The following TAFA4 variants were observed in gnomAD, a reference collection of about 807,000 sequenced individuals.
TAFA4 encodes TAFA chemokine like family member 4.
Under a neutral mutation model 21.1 loss-of-function variants are expected in TAFA4, and 20 were observed. The observed-to-expected ratio is 0.95, with a 90% CI of 0.67 to 1.38. The LOEUF is 1.38. Ranked by LOEUF, TAFA4 falls within the 40% of genes most tolerant of loss-of-function variation. The pLI, the probability that TAFA4 is intolerant of heterozygous loss-of-function variation, is 0.00. For synonymous variants in TAFA4, 71 were observed against 67.4 expected, an observed-to-expected ratio of 1.05 and a Z score of -0.26; for missense variants, 211 against 180.9, an observed-to-expected ratio of 1.17 and a Z score of -0.95.
intron 3 of TAFA4, among the ~76,000 whole-genome samples, chr3:68,778,724 C>T (rs1456163064): frequency 6.6e-6 from 1 of 152,198 alleles, no homozygotes. Flanking sequence ...GAGGCTTCCC[C>T]AGCCACGTGG....
intron 3 of TAFA4, among the ~76,000 whole-genome samples, chr3:68,835,824 C>T (rs1294869790): frequency 6.6e-6 from 1 of 152,192 alleles, no homozygotes; most frequent in East Asian, 1.9e-4. Context: ...GCATCAAATG[C>T]CAACTTCAGC....
intron 3 of TAFA4, among the ~76,000 whole-genome samples, chr3:68,808,333 G>A (rs934142956): frequency 6.6e-6 from 1 of 152,092 alleles, no homozygotes; most frequent in African/African-American, 2.4e-5. Flanking sequence ...TTTGTCTCCT[G>A]TCTCATGACC....
intron 4 of TAFA4, among the ~76,000 whole-genome samples, chr3:68,748,271 C>T (rs1475788745): frequency 2.0e-5 from 3 of 152,178 alleles, no homozygotes; most frequent in Non-Finnish European, 4.4e-5. Flanking sequence ...TTGGCAAAAT[C>T]CTCTCTGTCA....
intron 3 of TAFA4, among the ~76,000 whole-genome samples, chr3:68,753,536 A>G (rs12054044): frequency 0.064 from 9,661 of 152,006 alleles, 709 homozygotes; most frequent in East Asian, 0.26. Context: ...GGGTTTCACA[A>G]TGTTGGCCAA....
intron 3 of TAFA4, among the ~76,000 whole-genome samples, chr3:68,795,479 G>C (rs377473991): frequency 2.6e-5 from 4 of 152,130 alleles, no homozygotes; most frequent in South Asian, 2.1e-4. Context: ...ATTTAGTCAC[G>C]AGTTATTGAC....
At chr3:68,852,766 A>T (rs188961258) in intron 3 of TAFA4, among the ~76,000 whole-genome samples, 5 of 152,318 alleles carry the variant, frequency 3.3e-5, no homozygotes, top group Non-Finnish European at 5.9e-5. Context: ...AAACATTATT[A>T]TGTCACCCTT....
At chr3:68,828,110 C>T (rs62254120) in intron 3 of TAFA4, among the ~76,000 whole-genome samples, 1,712 of 151,914 alleles carry the variant, frequency 0.011, 13 homozygotes, top group Non-Finnish European at 0.017. Flanking sequence ...CTAGTTTTCA[C>T]ACCAGCATTT....
chr3:68,899,931 G>A (rs2089827593), intron 1 of TAFA4, among the ~76,000 whole-genome samples: 1 of 151,832 alleles, frequency 6.6e-6, no homozygotes, highest in Non-Finnish European at 1.5e-5. Flanking sequence ...CCACCTAAAA[G>A]ACATTTAACC....
At position 68,736,861 on chromosome 3, in the gene TAFA4, A is replaced by T. The variant is rs910279314; in HGVS notation, c.411+2214T>A. Among the ~76,000 whole-genome samples the T allele has an allele frequency of 4.6e-5, 7 of 151,686 alleles. No individual in the cohort carries two copies. In the East Asian group the frequency reaches 1.2e-3, roughly 25 times the overall value. On this transcript the variant is annotated intron_variant, in intron 5 of 5. Coordinates refer to ENST00000295569, the MANE Select transcript of TAFA4 (RefSeq NM_182522.5). Reference sequence around the variant, plus strand: ...GTTTTATGACTTCAAGATTATTCTCAAGTGACATATCACTAAAAAAGCAGC... The same window carrying T: ...GTTTTATGACTTCAAGATTATTCTCTAGTGACATATCACTAAAAAAGCAGC...
At chr3:68,773,079 A>G (rs1302503451) in intron 3 of TAFA4, among the ~76,000 whole-genome samples, 1 of 152,200 alleles carries the variant, frequency 6.6e-6, no homozygotes, top group African/African-American at 2.4e-5. Context: ...AAGGTCCCCT[A>G]TAATAGGGAA....
chr3:68,855,226 A>C (rs143873213), intron 3 of TAFA4, among the ~76,000 whole-genome samples: 4 of 152,202 alleles, frequency 2.6e-5, no homozygotes, highest in Admixed American at 6.5e-5. Context: ...GAAAAAATAC[A>C]ATCTAGATTA....
chr3:68,824,368 G>A (rs946696892), intron 3 of TAFA4, among the ~76,000 whole-genome samples: 7 of 152,164 alleles, frequency 4.6e-5, no homozygotes, highest in African/African-American at 1.7e-4. Flanking sequence ...CCCAGCTTCT[G>A]AAACAGGCTG....
At chr3:68,877,578 A>G (rs192238675) in intron 3 of TAFA4, among the ~76,000 whole-genome samples, 1 of 152,278 alleles carries the variant, frequency 6.6e-6, no homozygotes, top group East Asian at 1.9e-4. Flanking sequence ...AGCAAATAAA[A>G]GGGCTCTCAA....
At chr3:68,876,044 A>C (rs917400449) in intron 3 of TAFA4, among the ~76,000 whole-genome samples, 6 of 152,166 alleles carry the variant, frequency 3.9e-5, no homozygotes, top group African/African-American at 1.4e-4. Flanking sequence ...CCATAATTCC[A>C]ATCTTTAAAA....
At chr3:68,879,376 G>C (rs1362301818) in intron 3 of TAFA4, among the ~76,000 whole-genome samples, 2 of 152,130 alleles carry the variant, frequency 1.3e-5, no homozygotes. Context: ...AAGGATCATG[G>C]ACTTTCATTC....
At chr3:68,884,467 G>A (rs1016781534) in intron 2 of TAFA4, among the ~76,000 whole-genome samples, 5 of 152,194 alleles carry the variant, frequency 3.3e-5, no homozygotes, top group African/African-American at 2.4e-5. Flanking sequence ...GCCTCCCCAC[G>A]GTCTAACTGC....
intron 4 of TAFA4, among the ~76,000 whole-genome samples, chr3:68,742,863 G>C (rs1323122036): frequency 6.6e-6 from 1 of 152,180 alleles, no homozygotes; most frequent in Non-Finnish European, 1.5e-5. Context: ...TAATGCTAGA[G>C]CCCAAGTGCT....
At chr3:68,835,232 C>A (rs1704495991) in intron 3 of TAFA4, among the ~76,000 whole-genome samples, 1 of 152,214 alleles carries the variant, frequency 6.6e-6, no homozygotes, top group Admixed American at 6.5e-5. Flanking sequence ...CCTACACCCA[C>A]CTTGCTCCCT....
chr3:68,908,483 G>C (rs1021317454), intron 1 of TAFA4, among the ~76,000 whole-genome samples: 3 of 148,666 alleles, frequency 2.0e-5, no homozygotes, highest in Admixed American at 6.7e-5. Context: ...CTGAAGCTAA[G>C]AAGGGAAACA....
Sources: gnomAD v4.1 joint callset for allele counts (sites outside exome capture counted in the v4.1 genomes callset) on GRCh38, gnomAD v4.1.1 for gene constraint, MANE v1.5 for transcripts, NCBI Gene and HGNC (gene_info 2026-07-23, HGNC 2026-07-21) for gene names.